Variants in MAX observed in about 807,000 individuals in gnomAD.
MAX encodes the protein MYC associated transcriptional regulator X, also known as protein max.
Under a neutral mutation model 22.3 loss-of-function variants are expected in MAX, and 3 were observed. The ratio of observed to expected loss-of-function variants is 0.13; its 90% CI spans 0.06 to 0.35. The LOEUF (loss-of-function observed/expected upper bound fraction) is 0.35, where lower values mean the gene tolerates loss of function less well. MAX is among the 10% of genes least tolerant of loss of function. MAX has a pLI of 1.00. For missense variants in MAX, 119 were observed against 209.4 expected (o/e 0.57, Z 2.66); for synonymous variants, 72 against 77.7 (o/e 0.93, Z 0.39).
At chr14:65,017,302 A>G (rs1034486297) in intron 3 of MAX, among the ~76,000 whole-genome samples, 1 of 152,116 alleles carries the variant, frequency 6.6e-6, no homozygotes, top group Non-Finnish European at 1.5e-5. Context: ...CAATCAGGAT[A>G]TTTGGAAAGT....
Position 65,093,117 on chromosome 14 carries a change from G to C in MAX, c.171+591C>G, listed in dbSNP as rs903362813. ...AGGGAAAACACTAGGTTCCAGAAGG[G>C]AGTGGGGAAGAATGGTTATTTTTTT... On this transcript the variant is annotated intron_variant, in intron 3 of 4. Transcript: ENST00000358664. This position sits in a 1 kb window ranked among gnomAD's most constrained non-coding sequence, Gnocchi z 4.4. Among the ~76,000 whole-genome samples, 1 of 152,230 alleles carries C rather than the reference G, an allele frequency of 6.6e-6. No individual in the cohort carries two copies. The highest frequency in any genetic ancestry group is 1.5e-5 in the Non-Finnish European group (1 of 68,040).
intron 3 of MAX, among the ~76,000 whole-genome samples, chr14:65,051,096 G>C (rs1301476321): frequency 3.3e-5 from 5 of 152,246 alleles, no homozygotes; most frequent in Admixed American, 3.3e-4. Flanking sequence ...TGAGATGGGA[G>C]ATTGGATGCT....
intron 3 of MAX, among the ~76,000 whole-genome samples, chr14:65,019,652 C>T (rs2061849727): frequency 1.3e-5 from 2 of 152,208 alleles, no homozygotes; most frequent in African/African-American, 4.8e-5. Context: ...TTCTGCTTCA[C>T]AGATGCCTTA....
At chr14:65,006,114 G>C (rs1223073664), downstream of MAX, 1 of 1,592,802 alleles carries the variant, frequency 6.3e-7, no homozygotes, top group South Asian at 1.1e-5. Context: ...CTGCTTACTG[G>C]AACATTATAA....
chr14:65,027,557 T>G lies in MAX; in HGVS notation c.172-21273A>C. 1 of 1,614,200 alleles carries G rather than the reference T, an allele frequency of 6.2e-7. No individual in the cohort carries two copies. The highest frequency in any genetic ancestry group is 8.5e-7 in the Non-Finnish European group (1 of 1,180,038). On this transcript the variant is annotated intron_variant, in intron 3 of 3. Coordinates refer to the MAX transcript ENST00000341653. The surrounding 1 kb of genome is among the most constrained non-coding windows in gnomAD (Gnocchi z 5.7). ...CCCACATATGCAGCAGTCAATGCATTGTGCATCATTGGCACCGAGGAGGCC... is the reference window on the plus strand; with the variant it reads ...CCCACATATGCAGCAGTCAATGCATGGTGCATCATTGGCACCGAGGAGGCC...
intron 3 of MAX, among the ~76,000 whole-genome samples, chr14:65,068,596 T>C (rs953675490): frequency 6.6e-6 from 1 of 152,218 alleles, no homozygotes; most frequent in Non-Finnish European, 1.5e-5. Flanking sequence ...TATGTTCCAA[T>C]GCTACATTAT....
At position 65,093,711 on chromosome 14, in the gene MAX, C is replaced by T; in HGVS notation, c.168G>A (p.Glu56=). 2 of 1,578,420 alleles carry T rather than the reference C, an allele frequency of 1.3e-6. 1 individual carries two copies. Among genetic ancestry groups the T allele is most frequent in the South Asian group, 2.2e-5 (2 of 90,418 alleles). ...LRDSVPSLQG[E]KASRAQILDK... is the part of the protein sequence containing the mutation. ...TCAGCTTTCTCAGGAAACTCACCTTCTCTCCTTGGAGTGATGGGACTGAGT... is the reference window on the plus strand; with the variant it reads ...TCAGCTTTCTCAGGAAACTCACCTTTTCTCCTTGGAGTGATGGGACTGAGT... The change falls in exon 3 of 5, where the codon GAG becomes GAA. Residue 56 remains glutamate, a synonymous_variant. Coordinates refer to ENST00000358664, the MANE Select transcript of MAX (RefSeq NM_002382.5). This position sits in a 1 kb window ranked among gnomAD's most constrained non-coding sequence, Gnocchi z 4.4.
chr14:65,066,518 T>C (rs2062931796), intron 3 of MAX, among the ~76,000 whole-genome samples: 1 of 152,148 alleles, frequency 6.6e-6, no homozygotes, highest in South Asian at 2.1e-4. Flanking sequence ...TCCCTTGCCC[T>C]CTGCTCCCCC....
chr14:65,065,809 G>A (rs927150472), intron 3 of MAX, among the ~76,000 whole-genome samples: 8 of 152,164 alleles, frequency 5.3e-5, no homozygotes, highest in Non-Finnish European at 1.0e-4. Context: ...TAACCCCTAA[G>A]ACAGTCCCTC....
chr14:65,049,813 T>C (rs2062566125), intron 3 of MAX, among the ~76,000 whole-genome samples: 1 of 152,060 alleles, frequency 6.6e-6, no homozygotes, highest in Non-Finnish European at 1.5e-5. Flanking sequence ...GAGATATAAT[T>C]CCCATACCAC....
intron 3 of MAX, among the ~76,000 whole-genome samples, chr14:65,025,811 C>T (rs1402320045): frequency 6.6e-6 from 1 of 152,102 alleles, no homozygotes. Flanking sequence ...GTAAGACCCT[C>T]TCTCAAAATC....
intron 3 of MAX, among the ~76,000 whole-genome samples, chr14:65,067,019 TAA>T (rs35809647): frequency 3.6e-5 from 5 of 137,772 alleles, no homozygotes; most frequent in Non-Finnish European, 7.8e-5. Context: ...CTACAAAAAT[TAA>T]AAAAAAAAAA....
At chr14:65,033,478 G>T (rs1271229958) in intron 3 of MAX, among the ~76,000 whole-genome samples, 2 of 152,188 alleles carry the variant, frequency 1.3e-5, no homozygotes, top group Non-Finnish European at 2.9e-5. Context: ...AAGTGTATAT[G>T]GCTAATTCTA....
In MAX at chr14:65,044,908, G is replaced by T; in HGVS notation, c.172-38624C>A. 6.5e-6 allele frequency: 1 copy of T among 154,312 alleles called. No homozygotes were observed. Among genetic ancestry groups the T allele is most frequent in the Non-Finnish European group, 1.4e-5 (1 of 69,666 alleles). 9.6% of individuals were successfully genotyped at this position (154,312 alleles called of 1,614,324 possible). ...CCATGTGTAGGGGTGGGTTGTAGGGGTGGGTTGCCCCTACACCATGGAGAA... is the reference window on the plus strand; with the variant it reads ...CCATGTGTAGGGGTGGGTTGTAGGGTTGGGTTGCCCCTACACCATGGAGAA... On this transcript the variant is annotated intron_variant, in intron 3 of 3. Coordinates refer to the MAX transcript ENST00000341653. The surrounding 1 kb of genome is among the most constrained non-coding windows in gnomAD (Gnocchi z 5.5).
In MAX at chr14:65,037,403, C is replaced by CTT. The variant is rs1555335876; in HGVS notation, c.172-31121_172-31120dup. 1.7e-3 allele frequency among the ~76,000 whole-genome samples: 49 copies of CTT among 29,684 alleles called. 6 individuals carry two copies. The highest frequency in any genetic ancestry group is 2.8e-3 in the Non-Finnish European group (39 of 13,698). 19.5% of individuals were successfully genotyped at this position (29,684 alleles called of 152,430 possible). A position where few individuals can be genotyped will look rare whatever the true frequency, so the allele number is the denominator to read the frequency against. ...TAGGCGTGAGCCACCACGCCGGGCCCTTTTTTTTTTTTTTTTTTTTTTTTT... is the reference window on the plus strand; with the variant it reads ...TAGGCGTGAGCCACCACGCCGGGCCCTTTTTTTTTTTTTTTTTTTTTTTTTTT... On this transcript the variant is annotated intron_variant, in intron 3 of 3. Transcript: ENST00000341653.
rs772397458 is a variant in MAX at position 65,076,544 on chromosome 14, C to G, written c.415G>C (p.Asp139His). 6.2e-7 allele frequency: 1 copy of G among 1,614,068 alleles called. No individual in the cohort carries two copies. The highest frequency in any genetic ancestry group is 1.7e-5 in the Admixed American group (1 of 60,020). ...STISAFDGGS[D>H]SSSESEPEEP... is the part of the protein sequence containing the mutation. ...TCAGGCTCAGACTCCGAGCTGGAGT[C>G]CGAGCCCCCATCGAAGGCAGAGATG... The change falls in exon 5 of 5, where the codon GAC (aspartate) becomes CAC (histidine). Residue 139 changes from aspartate (D) to histidine (H), a missense_variant. Around this residue, in one of 3 missense-constraint regions of MAX, gnomAD observed 95 missense variants for 148.1 expected, o/e 0.64. Coordinates refer to ENST00000358664, the MANE Select transcript of MAX (RefSeq NM_002382.5). The surrounding 1 kb of genome is among the most constrained non-coding windows in gnomAD (Gnocchi z 6.6).
At chr14:65,087,909 T>C (rs998194185) in intron 3 of MAX, among the ~76,000 whole-genome samples, 1 of 151,584 alleles carries the variant, frequency 6.6e-6, no homozygotes, top group African/African-American at 2.4e-5. Flanking sequence ...CGGTGGGAGG[T>C]AATTGAATCA....
At chr14:65,037,953 C>T (rs370707711) in intron 3 of MAX, among the ~76,000 whole-genome samples, 8 of 151,242 alleles carry the variant, frequency 5.3e-5, no homozygotes, top group South Asian at 2.1e-4. Flanking sequence ...CTAATTTTTA[C>T]GGGGTTTCGC....
At chr14:65,022,357 G>A (rs1203779887) in intron 3 of MAX, among the ~76,000 whole-genome samples, 1 of 150,680 alleles carries the variant, frequency 6.6e-6, no homozygotes, top group African/African-American at 2.4e-5. Context: ...TAGGCCTTAA[G>A]TCTGTCTATG....
Sources: allele counts gnomAD v4.1 joint callset (sites outside exome capture counted in the v4.1 genomes callset), GRCh38; gene constraint gnomAD v4.1.1; regional missense constraint gnomAD v4.1.1; non-coding constraint Gnocchi (gnomAD v3.1); transcripts MANE v1.5; gene names NCBI Gene and HGNC (gene_info 2026-07-23, HGNC 2026-07-21).